Variants in NPR2 observed in about 807,000 individuals in gnomAD.
NPR2 encodes atrial natriuretic peptide receptor 2.
Under a neutral mutation model 120.7 loss-of-function variants are expected in NPR2, and 49 were observed. That is an observed-to-expected ratio of 0.41 (90% confidence interval 0.32 to 0.52). The LOEUF is 0.52. Ranked by LOEUF, NPR2 falls within the 20% of genes least tolerant of loss-of-function variation. The pLI, the probability that NPR2 is intolerant of heterozygous loss-of-function variation, is 0.36. For missense variants in NPR2, 931 were observed against 1,362.9 expected (o/e 0.68, Z 4.99); for synonymous variants, 484 against 519.8 (o/e 0.93, Z 0.94).
At chr9:35,793,460 G>T (rs924233966) in intron 1 of NPR2, among the ~76,000 whole-genome samples, 1 of 152,120 alleles carries the variant, frequency 6.6e-6, no homozygotes, top group African/African-American at 2.4e-5. Flanking sequence ...AAGACCCCTT[G>T]GTGGTGTAAA....
In NPR2 at chr9:35,808,999, C is replaced by A; in HGVS notation, c.2986+146C>A. 5 of 935,658 alleles carry A rather than the reference C, an allele frequency of 5.3e-6. No homozygotes were observed. The South Asian group carries it at 6.5e-5, about 12-fold the overall frequency. 58.0% of individuals were successfully genotyped at this position (935,658 alleles called of 1,614,324 possible). A position where few individuals can be genotyped will look rare whatever the true frequency, so the allele number is the denominator to read the frequency against. On this transcript the variant is annotated intron_variant, in intron 20 of 21. Coordinates refer to ENST00000342694, the MANE Select transcript of NPR2 (RefSeq NM_003995.4). The surrounding 1 kb of genome is among the most constrained non-coding windows in gnomAD (Gnocchi z 4.0). ...GCATATTTTGGTTCTAATAGATATG[C>A]ATTGGGAGGTTGGGCATATTTTGGT...
intron 7 of NPR2, 48 bp downstream of exon 7, chr9:35,801,202 A>T: frequency 2.8e-6 from 4 of 1,410,226 alleles, no homozygotes; most frequent in Non-Finnish European, 4.0e-6. Context: ...CCATTGCCAC[A>T]CAACCTCTGG....
chr9:35,802,061 C>T lies in NPR2; in HGVS notation c.1632+61C>T, dbSNP rs1485735290. On this transcript the variant is annotated intron_variant, in intron 9 of 21. Coordinates refer to ENST00000342694, the MANE Select transcript of NPR2 (RefSeq NM_003995.4). This position sits in a 1 kb window ranked among gnomAD's most constrained non-coding sequence, Gnocchi z 4.2. ...TTCATCCTGTCTCATCCCCATCTGC[C>T]ACCTCTGCCCCTGAACCTCTGTCCC... The T allele has an allele frequency of 1.6e-5, 24 of 1,512,794 alleles. No individual in the cohort carries two copies. The highest frequency in any genetic ancestry group is 2.1e-5 in the Non-Finnish European group (23 of 1,087,500). The allele number at this position is 1,512,794 out of a possible 1,614,324, so 93.7% of individuals were successfully genotyped here.
intron 2 of NPR2, among the ~76,000 whole-genome samples, chr9:35,794,834 T>TTGTGTGTGTG (rs59763394): frequency 2.7e-5 from 4 of 149,624 alleles, no homozygotes; most frequent in African/African-American, 9.9e-5. Context: ...CCTTGACTTT[T>TTGTGTGTGTG]TGTGTGTGTG....
In NPR2 at chr9:35,801,152, C is replaced by G. The variant is rs1282894007; in HGVS notation, c.1434C>G (p.Phe478Leu). The G allele has an allele frequency of 6.2e-7, 1 of 1,612,800 alleles. No individual in the cohort carries two copies. The highest frequency in any genetic ancestry group is 1.1e-5 in the South Asian group (1 of 91,058). Residue 478 changes from phenylalanine (F) to leucine (L), a missense_variant and splice_region_variant, in exon 7 of 22, where the codon TTC (phenylalanine) becomes TTG (leucine). By Grantham distance (22) the Phe-to-Leu change is conservative (BLOSUM62 0). Transcript: ENST00000342694. ...IMFGVSSFLI[F>L]RKLMLEKELA... The stretch of plus-strand genomic sequence containing the variant: ...TTGGTGTTTCCAGCTTCCTAATTTT[C>G]CGGTGAGTTCTGGGTTTCTTGCTGA...
At position 35,809,405 on chromosome 9, in the gene NPR2, G is replaced by C. The variant is rs766860402; in HGVS notation, c.3104G>C (p.Trp1035Ser). The C allele has an allele frequency of 1.9e-6, 3 of 1,614,168 alleles. No individual in the cohort carries two copies. The highest frequency in any genetic ancestry group is 2.5e-6 in the Non-Finnish European group (3 of 1,180,034). Residue 1035 changes from tryptophan (W) to serine (S), a missense_variant, in exon 22 of 22, where the codon TGG becomes TCG. By Grantham distance (177) the Trp-to-Ser change is radical. This residue lies in a region of NPR2 where 184 missense variants were observed against 328.3 expected (regional missense o/e 0.56). Coordinates refer to ENST00000342694, the MANE Select transcript of NPR2 (RefSeq NM_003995.4). The surrounding 1 kb of genome is among the most constrained non-coding windows in gnomAD (Gnocchi z 4.1). ...GGAAAAGGAAAGATGCGAACATACT[G>C]GCTCTTAGGAGAGCGGAAAGGACCT... is the stretch of plus-strand genomic sequence containing the variant. ...MKGKGKMRTY[W>S]LLGERKGPPG...
In NPR2 at chr9:35,809,344, G is replaced by A. The variant is rs375465602; in HGVS notation, c.3079-36G>A. The A allele has an allele frequency of 7.4e-6, 12 of 1,613,028 alleles. No homozygotes were observed. The highest frequency in any genetic ancestry group is 5.0e-5 in the Admixed American group (3 of 59,998). On this transcript the variant is annotated intron_variant, in intron 21 of 21. Transcript: ENST00000342694. This position sits in a 1 kb window ranked among gnomAD's most constrained non-coding sequence, Gnocchi z 4.1. ...AGAGGGAGACAAAGGGACTAACATC[G>A]AAGCATCTGAATCATGTCCACTCTC...
Position 35,808,569 on chromosome 9 carries a change from C to T in NPR2, c.2773C>T (p.Arg925Cys), listed in dbSNP as rs773576490. The T allele has an allele frequency of 2.0e-5, 33 of 1,614,080 alleles. No homozygotes were observed. The Admixed American group carries it at 4.2e-4, about 20-fold the overall frequency. ...TGGCCTCCCAGGCCGAAATGGTCAA[C>T]GCCATGCACCAGAAATTGCTCGTAT... ...VSGLPGRNGQRHAPEIARMAL... is the reference protein window; with the variant it reads ...VSGLPGRNGQCHAPEIARMAL... The change falls in exon 19 of 22, where the codon CGC becomes TGC. Residue 925 changes from arginine (R) to cysteine (C), a missense_variant. This residue lies in a region of NPR2 where 184 missense variants were observed against 328.3 expected (regional missense o/e 0.56). Transcript: ENST00000342694. The surrounding 1 kb of genome is among the most constrained non-coding windows in gnomAD (Gnocchi z 4.0).
rs986100379 is a variant in NPR2, at chr9:35,801,109, G to A, written c.1391G>A (p.Gly464Glu). 3 of 1,614,004 alleles carry A rather than the reference G, an allele frequency of 1.9e-6. No individual in the cohort carries two copies. In the African/African-American group the frequency reaches 4.0e-5, roughly 22 times the overall value. Reference protein sequence around the residue: ...STLAIVALGTGITFIMFGVSS... With the variant: ...STLAIVALGTEITFIMFGVSS... ...CTGGCAATTGTGGCTCTGGGCACAG[G>A]AATCACCTTCATCATGTTTGGTGTT... is the stretch of plus-strand genomic sequence containing the variant. The change falls in exon 7 of 22, where the codon GGA becomes GAA. Residue 464 changes from glycine to glutamate, a missense_variant. Around this residue, in one of 3 missense-constraint regions of NPR2, gnomAD observed 681 missense variants for 974.3 expected, o/e 0.70. Transcript: ENST00000342694.
At chr9:35,794,170 A>G in intron 2 of NPR2, 67 bp downstream of exon 2, 1 of 1,451,778 alleles carries the variant, frequency 6.9e-7, no homozygotes, top group Non-Finnish European at 9.4e-7. Flanking sequence ...CTCTCTCACA[A>G]GACCCTAAAG....
rs766256429 is a variant in NPR2 at position 35,806,474 on chromosome 9, C to T, written c.2455C>T (p.Arg819Cys). Reference protein sequence around the residue: ...ANNLEKLVEERTQAYLEEKRK... With the variant: ...ANNLEKLVEECTQAYLEEKRK... Reference sequence around the variant, plus strand: ...TAACTTGGAGAAGCTGGTGGAGGAACGCACACAGGCCTATCTGGAGGAAAA... The same window carrying T: ...TAACTTGGAGAAGCTGGTGGAGGAATGCACACAGGCCTATCTGGAGGAAAA... Residue 819 changes from arginine (R) to cysteine (C), a missense_variant, in exon 16 of 22, where the codon CGC becomes TGC. Arg to Cys is a radical substitution (Grantham distance 180, BLOSUM62 -3). Coordinates refer to ENST00000342694, the MANE Select transcript of NPR2 (RefSeq NM_003995.4). The surrounding 1 kb of genome is among the most constrained non-coding windows in gnomAD (Gnocchi z 4.6). 8.1e-6 allele frequency: 13 copies of T among 1,613,996 alleles called. No homozygotes were observed. The highest frequency in any genetic ancestry group is 5.0e-5 in the Admixed American group (3 of 60,014).
rs1457345392 is a variant in NPR2, at chr9:35,792,264, C to T, written c.-145C>T. On this transcript the variant is annotated 5_prime_UTR_variant, in exon 1 of 22. Coordinates refer to ENST00000342694, the MANE Select transcript of NPR2 (RefSeq NM_003995.4). Reference sequence around the variant, plus strand: ...TCCCCCTCCTCTCCCCGGCCCCCAGCACCTTCTGCATCCCAGCCTACCTAG... The same window carrying T: ...TCCCCCTCCTCTCCCCGGCCCCCAGTACCTTCTGCATCCCAGCCTACCTAG... The T allele has an allele frequency of 1.2e-6, 1 of 827,252 alleles. No homozygotes were observed. Among genetic ancestry groups the T allele is most frequent in the Non-Finnish European group, 1.8e-6 (1 of 541,490 alleles). The allele number at this position is 827,252 out of a possible 1,614,324, so 51.2% of individuals were successfully genotyped here.
At position 35,808,346 on chromosome 9, in the gene NPR2, T is replaced by G. The variant is rs1380879950; in HGVS notation, c.2713-163T>G. ...AAGACTTAAAGATTCCCTAGACATC[T>G]CCTCTCCCCTAGACTCAGGACCATG... On this transcript the variant is annotated intron_variant, in intron 18 of 21. Coordinates refer to ENST00000342694, the MANE Select transcript of NPR2 (RefSeq NM_003995.4). The surrounding 1 kb of genome is among the most constrained non-coding windows in gnomAD (Gnocchi z 4.0). 2 of 1,469,078 alleles carry G rather than the reference T, an allele frequency of 1.4e-6. No individual in the cohort carries two copies. The highest frequency in any genetic ancestry group is 1.1e-5 in the South Asian group (1 of 87,744). 91.0% of individuals were successfully genotyped at this position (1,469,078 alleles called of 1,614,324 possible). A position where few individuals can be genotyped will look rare whatever the true frequency, so the allele number is the denominator to read the frequency against.
intron 18 of NPR2, 69 bp downstream of exon 18, chr9:35,807,467 TGA>T: frequency 8.0e-7 from 1 of 1,249,220 alleles, no homozygotes; most frequent in Non-Finnish European, 1.2e-6. Context: ...TCAGTCTCCC[TGA>T]ACCCCACACA....
Position 35,802,105 on chromosome 9 carries a change from GC to G in NPR2, c.1633-98del. The G allele has an allele frequency of 7.6e-7, 1 of 1,313,390 alleles. No individual in the cohort carries two copies. Among genetic ancestry groups the G allele is most frequent in the Non-Finnish European group, 1.1e-6 (1 of 905,754 alleles). The allele number at this position is 1,313,390 out of a possible 1,614,324, so 81.4% of individuals were successfully genotyped here. On this transcript the variant is annotated intron_variant, in intron 9 of 21. Coordinates refer to ENST00000342694, the MANE Select transcript of NPR2 (RefSeq NM_003995.4). This position sits in a 1 kb window ranked among gnomAD's most constrained non-coding sequence, Gnocchi z 4.2. ...CTGTCCCTCATACCCGACTCTCTGT[GC>G]CCAGCTGAGCTCCTGGGTGCTTCCA...
intron 1 of NPR2, 124 bp downstream of exon 1, chr9:35,793,199 G>A: frequency 9.3e-7 from 1 of 1,076,286 alleles, no homozygotes; most frequent in Non-Finnish European, 1.3e-6. Context: ...TTGGGATCAA[G>A]AAGCACACGT....
intron 2 of NPR2, among the ~76,000 whole-genome samples, chr9:35,798,732 G>GTGGC (rs1828025126): frequency 1.3e-5 from 2 of 152,210 alleles, no homozygotes; most frequent in Admixed American, 1.3e-4. Context: ...CAGTGACTAT[G>GTGGC]TGGCCTGAGG....
In NPR2 at chr9:35,800,385, T is replaced by C; in HGVS notation, c.1124-4T>C. 1 of 1,613,000 alleles carries C rather than the reference T, an allele frequency of 6.2e-7. No individual in the cohort carries two copies. The highest frequency in any genetic ancestry group is 8.5e-7 in the Non-Finnish European group (1 of 1,179,000). ...CAAAGAAAGGACACTCTTTTCTGTC[T>C]TAGGTGTAACTGGGCTGGTTGTCAT... On this transcript the variant is annotated splice_region_variant and splice_polypyrimidine_tract_variant and intron_variant, in intron 4 of 21. Transcript: ENST00000342694. This position sits in a 1 kb window ranked among gnomAD's most constrained non-coding sequence, Gnocchi z 4.7.
chr9:35,802,702 A>T lies in NPR2; in HGVS notation c.1816-30A>T. The T allele has an allele frequency of 6.4e-7, 1 of 1,568,346 alleles. No individual in the cohort carries two copies. The highest frequency in any genetic ancestry group is 1.3e-5 in the African/African-American group (1 of 74,098). On this transcript the variant is annotated intron_variant, in intron 11 of 21. Coordinates refer to ENST00000342694, the MANE Select transcript of NPR2 (RefSeq NM_003995.4). The surrounding 1 kb of genome is among the most constrained non-coding windows in gnomAD (Gnocchi z 4.2). The stretch of plus-strand genomic sequence containing the variant: ...CTGGGTGATAGCTGGTGGGACCAGG[A>T]CAGACAGTCTATTCCATGTCACTTA...
Sources: gnomAD v4.1 joint callset for allele counts (sites outside exome capture counted in the v4.1 genomes callset) on GRCh38, gnomAD v4.1.1 for gene constraint, gnomAD v4.1.1 regional missense constraint, Gnocchi (gnomAD v3.1) non-coding constraint, MANE v1.5 for transcripts, NCBI Gene and HGNC (gene_info 2026-07-23, HGNC 2026-07-21) for gene names.